CSMD1: variants seen among roughly 807,000 people sequenced by gnomAD.
The protein encoded by CSMD1 is CUB and Sushi multiple domains 1, also known as CUB and sushi domain-containing protein 1.
In CSMD1, 213 loss-of-function variants were observed where a neutral mutation model predicts 417.5. The ratio of observed to expected loss-of-function variants is 0.51; its 90% CI spans 0.46 to 0.57. The LOEUF is 0.57. CSMD1 is among the 20% of genes least tolerant of loss of function. The pLI, the probability that CSMD1 is intolerant of heterozygous loss-of-function variation, is 0.00. For synonymous variants in CSMD1, 2,862 were observed against 1,736.8 expected, an observed-to-expected ratio of 1.65 and a Z score of -16.11; for missense variants, 6,923 against 4,529.7, an observed-to-expected ratio of 1.53 and a Z score of -15.17.
intron 25 of CSMD1, among the ~76,000 whole-genome samples, chr8:3,299,482 C>G (rs181854319): frequency 6.6e-6 from 1 of 151,994 alleles, no homozygotes; most frequent in African/African-American, 2.4e-5. Context: ...GTGGTATCAT[C>G]GCTAAGGAAC....
intron 54 of CSMD1, among the ~76,000 whole-genome samples, chr8:2,996,732 A>C (rs1322943642): frequency 6.6e-6 from 1 of 152,326 alleles, no homozygotes; most frequent in East Asian, 1.9e-4. Context: ...ATCTCCTCTT[A>C]TTTCTCGTGA....
At chr8:3,339,897 G>C (rs978662559) in intron 23 of CSMD1, among the ~76,000 whole-genome samples, 9 of 152,150 alleles carry the variant, frequency 5.9e-5, no homozygotes, top group African/African-American at 1.4e-4. Context: ...ACATAGACAA[G>C]TCTGTAATAA....
chr8:3,417,849 A>C (rs191552786), intron 12 of CSMD1, among the ~76,000 whole-genome samples: 2 of 152,340 alleles, frequency 1.3e-5, no homozygotes, highest in East Asian at 3.9e-4. Context: ...AGACAGTGTG[A>C]GAACATGTCC....
At chr8:4,574,297 TG>T (rs1358869743) in intron 2 of CSMD1, among the ~76,000 whole-genome samples, 1 of 152,170 alleles carries the variant, frequency 6.6e-6, no homozygotes, top group Non-Finnish European at 1.5e-5. Context: ...GCAGAAACTG[TG>T]GGAAAAGCAT....
intron 2 of CSMD1, among the ~76,000 whole-genome samples, chr8:4,573,185 G>C (rs979618293): frequency 3.3e-5 from 5 of 152,148 alleles, no homozygotes; most frequent in African/African-American, 1.2e-4. Flanking sequence ...TGATCCTTTG[G>C]AGGAGAAGAG....
At chr8:3,613,359 C>T (rs1801981913) in intron 8 of CSMD1, 4 of 376,934 alleles carry the variant, frequency 1.1e-5, no homozygotes, top group South Asian at 4.0e-5. Flanking sequence ...AACAATTATA[C>T]ACAAACTCTT....
At chr8:4,418,306 T>A (rs1346134099) in intron 3 of CSMD1, among the ~76,000 whole-genome samples, 1 of 152,164 alleles carries the variant, frequency 6.6e-6, no homozygotes, top group Non-Finnish European at 1.5e-5. Context: ...AGTTGATCTT[T>A]TGGAGTAACA....
chr8:3,960,371 T>A (rs1563256411), intron 5 of CSMD1, among the ~76,000 whole-genome samples: 1 of 152,142 alleles, frequency 6.6e-6, no homozygotes. Flanking sequence ...CGCTACTACT[T>A]AAAAGCATGG....
At chr8:3,083,635 TATATATATATATA>T (rs1402211775) in intron 49 of CSMD1, among the ~76,000 whole-genome samples, 14 of 30,784 alleles carry the variant, frequency 4.5e-4, no homozygotes, top group South Asian at 1.5e-3. Flanking sequence ...TATATATATA[TATATATATATATA>T]TTTTTTTTTT....
intron 21 of CSMD1, among the ~76,000 whole-genome samples, chr8:3,354,653 T>C (rs915549925): frequency 6.6e-6 from 1 of 152,012 alleles, no homozygotes; most frequent in Non-Finnish European, 1.5e-5. Flanking sequence ...CCTTTATTTT[T>C]ACAATTTAGT....
chr8:4,317,313 G>T (rs189428751), intron 3 of CSMD1, among the ~76,000 whole-genome samples: 1 of 152,258 alleles, frequency 6.6e-6, no homozygotes, highest in South Asian at 2.1e-4. Flanking sequence ...TAAATTTCCT[G>T]CTTGCTAACG....
chr8:3,620,311 T>A (rs1802361181), intron 7 of CSMD1, among the ~76,000 whole-genome samples: 1 of 148,320 alleles, frequency 6.7e-6, no homozygotes, highest in South Asian at 2.1e-4. Flanking sequence ...GAAAGGGCAC[T>A]ACACAGTCAC....
intron 3 of CSMD1, among the ~76,000 whole-genome samples, chr8:4,256,024 G>C (rs760968696): frequency 6.6e-6 from 1 of 152,166 alleles, no homozygotes; most frequent in Non-Finnish European, 1.5e-5. Context: ...ATACAGCATG[G>C]AAAGAACACC....
At chr8:4,923,634 A>G (rs182451357) in intron 1 of CSMD1, among the ~76,000 whole-genome samples, 6 of 152,142 alleles carry the variant, frequency 3.9e-5, no homozygotes, top group Non-Finnish European at 8.8e-5. Context: ...TGTATTCTAC[A>G]TTGCTTCCTG....
intron 6 of CSMD1, among the ~76,000 whole-genome samples, chr8:3,730,579 A>G (rs1411458351): frequency 6.6e-6 from 1 of 152,062 alleles, no homozygotes; most frequent in Admixed American, 6.6e-5. Context: ...CTTTGCACAC[A>G]CTATATGGTT....
At chr8:4,173,793 G>C (rs1263951476) in intron 3 of CSMD1, among the ~76,000 whole-genome samples, 1 of 152,062 alleles carries the variant, frequency 6.6e-6, no homozygotes, top group African/African-American at 2.4e-5. Context: ...TCAAAAGTTA[G>C]TGGTGAGGTG....
rs550441981 is a variant in CSMD1 at position 4,695,623 on chromosome 8, A to G, written c.86-58065T>C. Among the ~76,000 whole-genome samples the G allele has an allele frequency of 2.0e-4, 31 of 152,216 alleles. 2 individuals carry two copies. Among genetic ancestry groups the G allele is most frequent in the Middle Eastern group, 6.8e-3 (2 of 294 alleles). On this transcript the variant is annotated intron_variant, in intron 1 of 69. Coordinates refer to ENST00000635120, the MANE Select transcript of CSMD1 (RefSeq NM_033225.6). Reference sequence around the variant, plus strand: ...CACCACACAGCCTTCCCCATTCTCAACATACGCCACCAAAGAGAGAGGTGC... The same window carrying G: ...CACCACACAGCCTTCCCCATTCTCAGCATACGCCACCAAAGAGAGAGGTGC...
chr8:3,538,608 C>T (rs1022023062), intron 10 of CSMD1, among the ~76,000 whole-genome samples: 28 of 152,370 alleles, frequency 1.8e-4, no homozygotes, highest in African/African-American at 6.5e-4. Context: ...AAGTGAGCCC[C>T]ATTCCCCACC....
At chr8:3,978,580 G>A (rs960418021) in intron 5 of CSMD1, among the ~76,000 whole-genome samples, 1 of 152,096 alleles carries the variant, frequency 6.6e-6, no homozygotes, top group African/African-American at 2.4e-5. Flanking sequence ...AGGGTCTAAT[G>A]AATAGATTGA....
Sources: gnomAD v4.1 joint callset for allele counts (sites outside exome capture counted in the v4.1 genomes callset) on GRCh38, gnomAD v4.1.1 for gene constraint, MANE v1.5 for transcripts, NCBI Gene and HGNC (gene_info 2026-07-23, HGNC 2026-07-21) for gene names.